The following UNC5C variants were observed in gnomAD, a reference collection of about 807,000 sequenced individuals.
The protein encoded by UNC5C is netrin receptor UNC5C.
Under a neutral mutation model 99.8 loss-of-function variants are expected in UNC5C, and 47 were observed. That is an observed-to-expected ratio of 0.47 (90% confidence interval 0.37 to 0.60). The LOEUF (loss-of-function observed/expected upper bound fraction) is 0.60. UNC5C is among the 20% of genes least tolerant of loss of function. The pLI is 0.00. For missense variants in UNC5C, 1,062 were observed against 1,165.9 expected (o/e 0.91, Z 1.30); for synonymous variants, 487 against 452.2 (o/e 1.08, Z -0.98).
intron 1 of UNC5C, among the ~76,000 whole-genome samples, chr4:95,357,357 G>A (rs1411053589): frequency 6.6e-6 from 1 of 151,924 alleles, no homozygotes; most frequent in Non-Finnish European, 1.5e-5. Flanking sequence ...GCCCAGGCTG[G>A]TCTCAAACTC....
At chr4:95,537,691 T>C (rs1722816716) in intron 1 of UNC5C, among the ~76,000 whole-genome samples, 2 of 152,186 alleles carry the variant, frequency 1.3e-5, no homozygotes, top group Admixed American at 1.3e-4. Flanking sequence ...TGTGTCAAAC[T>C]TCAATTTCAT....
At chr4:95,270,073 G>T (rs1740601667) in intron 4 of UNC5C, among the ~76,000 whole-genome samples, 1 of 152,114 alleles carries the variant, frequency 6.6e-6, no homozygotes, top group Non-Finnish European at 1.5e-5. Flanking sequence ...GACTTTCACA[G>T]GTAGGTTTGG....
chr4:95,521,210 C>CTTTTTTTTTT (rs1722347623), intron 1 of UNC5C, among the ~76,000 whole-genome samples: 1 of 84,340 alleles, frequency 1.2e-5, no homozygotes, highest in South Asian at 5.0e-4. Context: ...TTTTTTTTTT[C>CTTTTTTTTTT]TTTTTTCTTT....
At chr4:95,404,933 G>A (rs1483321048) in intron 1 of UNC5C, among the ~76,000 whole-genome samples, 3 of 152,166 alleles carry the variant, frequency 2.0e-5, no homozygotes, top group African/African-American at 7.2e-5. Flanking sequence ...TTGAAGAGGA[G>A]TTTAGCCAGT....
At chr4:95,479,022 C>A (rs1721050848) in intron 1 of UNC5C, among the ~76,000 whole-genome samples, 1 of 151,948 alleles carries the variant, frequency 6.6e-6, no homozygotes, top group Non-Finnish European at 1.5e-5. Flanking sequence ...CTTCCTGAAG[C>A]CTCACCAGAA....
rs761094784 is a variant in UNC5C at position 95,167,335 on chromosome 4, A to G, written c.*1899T>C. On this transcript the variant is annotated 3_prime_UTR_variant, in exon 16 of 16. Transcript: ENST00000453304. ...TGAATTGAGTCCTTGTGTTTGTTAA[A>G]GAGCTTGTGATGGTCCCAAGGAAAC... 1.3e-5 allele frequency: 2 copies of G among 152,252 alleles called. No individual in the cohort carries two copies. Among genetic ancestry groups the G allele is most frequent in the Non-Finnish European group, 1.5e-5 (1 of 68,042 alleles). 9.4% of individuals were successfully genotyped at this position (152,252 alleles called of 1,614,324 possible).
intron 5 of UNC5C, 48 bp downstream of exon 5, chr4:95,250,439 A>G (rs1739655896): frequency 5.1e-6 from 8 of 1,563,868 alleles, no homozygotes; most frequent in African/African-American, 1.4e-5. Flanking sequence ...GCCAACGAGA[A>G]ACTGCAGTTA....
chr4:95,196,854 AT>A (rs36153674), intron 12 of UNC5C, among the ~76,000 whole-genome samples: 150 of 638 alleles, frequency 0.24, no homozygotes, highest in African/African-American at 0.35. Flanking sequence ...TATAATATAT[AT>A]TTATATATTA....
intron 1 of UNC5C, among the ~76,000 whole-genome samples, chr4:95,522,218 A>G (rs1456699049): frequency 6.6e-6 from 1 of 152,030 alleles, no homozygotes; most frequent in Non-Finnish European, 1.5e-5. Flanking sequence ...TCTATATTTT[A>G]AAAGTTTGGA....
At chr4:95,377,298 C>T (rs1744924359) in intron 1 of UNC5C, among the ~76,000 whole-genome samples, 1 of 152,154 alleles carries the variant, frequency 6.6e-6, no homozygotes, top group Non-Finnish European at 1.5e-5. Flanking sequence ...ATTTGCTTTG[C>T]TAATTGAATG....
chr4:95,503,846 C>A (rs10026026), intron 1 of UNC5C, among the ~76,000 whole-genome samples: 14,615 of 152,066 alleles, frequency 0.096, 1,882 homozygotes, highest in African/African-American at 0.29. Flanking sequence ...ATCTGCTCCC[C>A]CACCATTTCA....
intron 1 of UNC5C, among the ~76,000 whole-genome samples, chr4:95,453,067 T>C (rs1747321769): frequency 6.6e-6 from 1 of 152,118 alleles, no homozygotes; most frequent in African/African-American, 2.4e-5. Context: ...GGAAGGGATT[T>C]GAAACTAGTT....
chr4:95,368,770 A>G (rs938648537), intron 1 of UNC5C, among the ~76,000 whole-genome samples: 9 of 152,224 alleles, frequency 5.9e-5, no homozygotes, highest in African/African-American at 2.2e-4. Context: ...GGGAATTTTA[A>G]TGATATATTT....
At chr4:95,207,555 A>C (rs1418620131) in intron 10 of UNC5C, among the ~76,000 whole-genome samples, 1 of 152,222 alleles carries the variant, frequency 6.6e-6, no homozygotes, top group African/African-American at 2.4e-5. Flanking sequence ...ATATAGTTCC[A>C]AAGGTATTGA....
intron 1 of UNC5C, among the ~76,000 whole-genome samples, chr4:95,546,685 C>T (rs186316411): frequency 1.7e-3 from 257 of 152,280 alleles, no homozygotes; most frequent in African/African-American, 5.9e-3. Flanking sequence ...AACTTGCCTA[C>T]GCTACAAAAA....
rs190182113 is a variant in UNC5C at position 95,533,690 on chromosome 4, C to T, written c.124+15044G>A. 7.9e-5 allele frequency among the ~76,000 whole-genome samples: 12 copies of T among 152,100 alleles called. No individual in the cohort carries two copies. In the East Asian group the frequency reaches 2.3e-3, roughly 29 times the overall value. On this transcript the variant is annotated intron_variant, in intron 1 of 15. Coordinates refer to ENST00000453304, the MANE Select transcript of UNC5C (RefSeq NM_003728.4). ...ATACATTATGGCACAAAATAAGCAT[C>T]GTTCTTGTTAGTTTGAAAACAAAAA...
intron 1 of UNC5C, among the ~76,000 whole-genome samples, chr4:95,512,899 G>T (rs115417429): frequency 6.6e-6 from 1 of 152,116 alleles, no homozygotes. Context: ...ATCCAGTAAT[G>T]TAGTAAATAT....
rs1578222360 is a variant in UNC5C, at chr4:95,548,901, A to T, written c.-44T>A. On this transcript the variant is annotated 5_prime_UTR_variant, in exon 1 of 16. Transcript: ENST00000453304. ...GGGGGGAGGGGAGGGGGACAGAGAG[A>T]CGCGCAAACAGCTGAAAGCCCCACT... The T allele has an allele frequency of 6.2e-7, 1 of 1,607,298 alleles. No homozygotes were observed. The highest frequency in any genetic ancestry group is 8.5e-7 in the Non-Finnish European group (1 of 1,177,064).
intron 1 of UNC5C, among the ~76,000 whole-genome samples, chr4:95,449,733 C>G (rs2149466931): frequency 6.6e-6 from 1 of 152,274 alleles, no homozygotes; most frequent in East Asian, 1.9e-4. Context: ...CAGAACTCTT[C>G]TAGTAAATCT....
Sources: gnomAD v4.1 joint callset for allele counts (sites outside exome capture counted in the v4.1 genomes callset) on GRCh38, gnomAD v4.1.1 for gene constraint, MANE v1.5 for transcripts, NCBI Gene and HGNC (gene_info 2026-07-23, HGNC 2026-07-21) for gene names.